TESK2: variants seen among roughly 807,000 people sequenced by gnomAD.
TESK2 encodes the protein dual specificity testis-specific protein kinase 2.
TESK2 carries 39 observed loss-of-function variants against 57.1 expected under a neutral mutation model. That is an observed-to-expected ratio of 0.68 (90% CI 0.53 to 0.89). The LOEUF is 0.89. TESK2 is among the 40% of genes least tolerant of loss of function. TESK2 has a pLI of 0.00. For synonymous variants in TESK2, 249 were observed against 267.9 expected (o/e 0.93, Z 0.69); for missense variants, 646 against 732.1 (o/e 0.88, Z 1.36).
At chr1:45,438,352 C>T (rs1238393953) in intron 2 of TESK2, among the ~76,000 whole-genome samples, 1 of 151,942 alleles carries the variant, frequency 6.6e-6, no homozygotes, top group Non-Finnish European at 1.5e-5. Flanking sequence ...AAAAACTAGC[C>T]AGGCATGGTG....
At chr1:45,490,807 G>A (rs1208612921) in intron 1 of TESK2, 45 bp downstream of exon 1, 2 of 152,890 alleles carry the variant, frequency 1.3e-5, no homozygotes, top group Non-Finnish European at 2.9e-5. Context: ...GCGCGGGCCA[G>A]GCAGGATGCC....
chr1:45,430,274 G>T (rs916944287), intron 2 of TESK2, among the ~76,000 whole-genome samples: 1 of 152,100 alleles, frequency 6.6e-6, no homozygotes, highest in African/African-American at 2.4e-5. Context: ...TAGGCTGCTT[G>T]AGCCCAGGAG....
chr1:45,425,120 A>T (rs888823162), intron 2 of TESK2, among the ~76,000 whole-genome samples: 2 of 152,206 alleles, frequency 1.3e-5, no homozygotes, highest in Non-Finnish European at 2.9e-5. Context: ...AAGCCAAATT[A>T]TTCTTGTCTG....
At chr1:45,471,068 T>C (rs1652745840) in intron 1 of TESK2, among the ~76,000 whole-genome samples, 1 of 151,956 alleles carries the variant, frequency 6.6e-6, no homozygotes, top group African/African-American at 2.4e-5. Context: ...CCATCTCTAC[T>C]AAAAATACAA....
chr1:45,407,077 C>T (rs1649875706), intron 3 of TESK2, among the ~76,000 whole-genome samples: 1 of 152,050 alleles, frequency 6.6e-6, no homozygotes, highest in Non-Finnish European at 1.5e-5. Flanking sequence ...CTCAGGATTA[C>T]ATCGTTAAAA....
At chr1:45,398,791 C>A (rs1288154529) in intron 3 of TESK2, 2 of 334,174 alleles carry the variant, frequency 6.0e-6, no homozygotes, top group Middle Eastern at 4.1e-4. Flanking sequence ...TAAGTTCTGG[C>A]CAGTGGTATA....
At chr1:45,452,403 T>C (rs998511341) in intron 2 of TESK2, among the ~76,000 whole-genome samples, 1 of 152,092 alleles carries the variant, frequency 6.6e-6, no homozygotes, top group African/African-American at 2.4e-5. Context: ...ACTATCAGGA[T>C]ATGTAAAGAA....
chr1:45,460,398 T>C (rs1233765696), intron 1 of TESK2, among the ~76,000 whole-genome samples: 1 of 152,050 alleles, frequency 6.6e-6, no homozygotes, highest in African/African-American at 2.4e-5. Flanking sequence ...CAGTCACCTG[T>C]AATCCCAGCT....
rs184852285 is a variant in TESK2, at chr1:45,394,589, G to A, written c.345-8629C>T. 3.4e-5 allele frequency among the ~76,000 whole-genome samples: 5 copies of A among 149,012 alleles called. 1 individual carries two copies. In the Admixed American group the frequency reaches 3.4e-4, roughly 10 times the overall value. Reference sequence around the variant, plus strand: ...CTCCCAGGTGATGCTGATGTCGCTTGGTCTACAGACTACATGCAGTGAGTA... The same window carrying A: ...CTCCCAGGTGATGCTGATGTCGCTTAGTCTACAGACTACATGCAGTGAGTA... On this transcript the variant is annotated intron_variant, in intron 3 of 10. Coordinates refer to ENST00000372086, the MANE Select transcript of TESK2 (RefSeq NM_007170.3).
intron 3 of TESK2, among the ~76,000 whole-genome samples, chr1:45,406,689 C>G (rs1279856298): frequency 6.6e-6 from 1 of 151,996 alleles, no homozygotes; most frequent in Non-Finnish European, 1.5e-5. Context: ...ATTCAAAACC[C>G]AACTCCTCTT....
intron 2 of TESK2, among the ~76,000 whole-genome samples, chr1:45,439,052 A>G (rs904436267): frequency 7.9e-5 from 12 of 152,176 alleles, no homozygotes; most frequent in African/African-American, 2.9e-4. Flanking sequence ...GAGATCCAGT[A>G]TCTAAGTTTT....
intron 3 of TESK2, among the ~76,000 whole-genome samples, chr1:45,403,225 C>T (rs1187788447): frequency 1.6e-5 from 2 of 126,860 alleles, no homozygotes; most frequent in African/African-American, 3.3e-5. Context: ...TACAGTGAGC[C>T]GTGATGGGAA....
chr1:45,416,394 T>C (rs1288661186), intron 3 of TESK2, among the ~76,000 whole-genome samples: 1 of 152,082 alleles, frequency 6.6e-6, no homozygotes, highest in African/African-American at 2.4e-5. Context: ...CTGCCTCGGC[T>C]TCCCAAAGTG....
At chr1:45,458,317 C>G (rs1386105717) in intron 1 of TESK2, among the ~76,000 whole-genome samples, 2 of 152,186 alleles carry the variant, frequency 1.3e-5, no homozygotes, top group African/African-American at 4.8e-5. Flanking sequence ...GTAATCCCAG[C>G]ACTTTGGGAG....
intron 4 of TESK2, among the ~76,000 whole-genome samples, chr1:45,377,512 A>G (rs1335739262): frequency 1.4e-5 from 2 of 146,498 alleles, no homozygotes; most frequent in Non-Finnish European, 3.0e-5. Flanking sequence ...TCTGCCTCCC[A>G]GGCTCAAGTG....
intron 3 of TESK2, chr1:45,415,048 C>A: frequency 8.2e-7 from 1 of 1,223,440 alleles, no homozygotes; most frequent in South Asian, 1.2e-5. Flanking sequence ...TGTTCTTCAA[C>A]ATCACAGTCA....
At chr1:45,412,564 T>C (rs2149283958) in intron 3 of TESK2, among the ~76,000 whole-genome samples, 1 of 152,322 alleles carries the variant, frequency 6.6e-6, no homozygotes, top group East Asian at 1.9e-4. Flanking sequence ...TCTATTTCTC[T>C]TGCATTAATC....
chr1:45,350,519 C>A (rs1293903441), intron 5 of TESK2, among the ~76,000 whole-genome samples: 1 of 152,238 alleles, frequency 6.6e-6, no homozygotes, highest in Non-Finnish European at 1.5e-5. Context: ...CAGGAAAAGA[C>A]TAAGATTCTA....
chr1:45,451,576 C>T (rs1469529031), intron 2 of TESK2, among the ~76,000 whole-genome samples: 1 of 152,120 alleles, frequency 6.6e-6, no homozygotes, highest in Non-Finnish European at 1.5e-5. Flanking sequence ...GCATGGTCTG[C>T]CTTAGGACCT....
Sources: gnomAD v4.1 joint callset for allele counts (sites outside exome capture counted in the v4.1 genomes callset) on GRCh38, gnomAD v4.1.1 for gene constraint, MANE v1.5 for transcripts, NCBI Gene and HGNC (gene_info 2026-07-23, HGNC 2026-07-21) for gene names.